The following TAF12 variants were observed in gnomAD, a reference collection of about 807,000 sequenced individuals.
The protein encoded by TAF12 is TATA-box binding protein associated factor 12, also known as transcription initiation factor TFIID subunit 12.
In TAF12, 3 loss-of-function variants were observed where a neutral mutation model predicts 20.8. The ratio of observed to expected loss-of-function variants is 0.14; its 90% CI spans 0.07 to 0.37. The LOEUF (loss-of-function observed/expected upper bound fraction) is 0.37. Among genes scored for constraint, TAF12 ranks in the 10% least tolerant of loss-of-function variants. The pLI is 1.00. For missense variants in TAF12, 131 were observed against 197.9 expected (o/e 0.66, Z 2.03); for synonymous variants, 69 against 70.2 (o/e 0.98, Z 0.09).
upstream of TAF12, among the ~76,000 whole-genome samples, chr1:28,647,327 A>G (rs1218768479): frequency 6.6e-6 from 1 of 151,718 alleles, no homozygotes; most frequent in Non-Finnish European, 1.5e-5. Context: ...TTCATCTGTC[A>G]CCTAGGCTGG....
chr1:28,622,482 T>C (rs1338941263), intron 1 of TAF12, among the ~76,000 whole-genome samples: 1 of 152,104 alleles, frequency 6.6e-6, no homozygotes, highest in Admixed American at 6.6e-5. Context: ...ATGAAGAATG[T>C]TTATTACTCT....
Position 28,603,360 on chromosome 1 carries a change from A to G in TAF12, c.*179T>C, listed in dbSNP as rs923075945. On this transcript the variant is annotated 3_prime_UTR_variant, in exon 6 of 6. Coordinates refer to ENST00000373824, the MANE Select transcript of TAF12 (RefSeq NM_005644.4). Reference sequence around the variant, plus strand: ...GGGAAAAGGGACCGGAAGTTGGGGTAGGAGGCTTTATTCTTTTGGCAGATC... The same window carrying G: ...GGGAAAAGGGACCGGAAGTTGGGGTGGGAGGCTTTATTCTTTTGGCAGATC... 47 of 601,010 alleles carry G rather than the reference A, an allele frequency of 7.8e-5. No homozygotes were observed. Among genetic ancestry groups the G allele is most frequent in the Admixed American group, 3.6e-4 (12 of 33,370 alleles). 37.2% of individuals were successfully genotyped at this position (601,010 alleles called of 1,614,324 possible). A position where few individuals can be genotyped will look rare whatever the true frequency, so the allele number is the denominator to read the frequency against.
At chr1:28,605,657 ACT>A (rs1666642620) in intron 4 of TAF12, among the ~76,000 whole-genome samples, 197 bp from the exon 5 acceptor site, 1 of 151,838 alleles carries the variant, frequency 6.6e-6, no homozygotes, top group Non-Finnish European at 1.5e-5. Context: ...GGGTCTTCCC[ACT>A]CTGTCACCCA....
upstream of TAF12, among the ~76,000 whole-genome samples, chr1:28,643,867 T>G (rs2124398728): frequency 6.6e-6 from 1 of 152,134 alleles, no homozygotes; most frequent in East Asian, 1.9e-4. Context: ...CTGGCCAAGA[T>G]GGTGAAACCC....
At chr1:28,624,683 G>A (rs1369167205) in intron 1 of TAF12, among the ~76,000 whole-genome samples, 5 of 151,962 alleles carry the variant, frequency 3.3e-5, no homozygotes, top group African/African-American at 1.2e-4. Context: ...GGAGGCAGAG[G>A]TTGCAGTGAG....
intron 3 of TAF12, among the ~76,000 whole-genome samples, chr1:28,616,945 C>A (rs1401654279): frequency 1.3e-5 from 2 of 151,592 alleles, no homozygotes; most frequent in African/African-American, 4.9e-5. Context: ...CATGGAGAAA[C>A]CCCATCTCTA....
intron 1 of TAF12, among the ~76,000 whole-genome samples, chr1:28,641,004 G>A (rs1184512249): frequency 6.6e-6 from 1 of 151,854 alleles, no homozygotes; most frequent in Non-Finnish European, 1.5e-5. Context: ...AAGAATATAG[G>A]TTGCAGTGAA....
intron 2 of TAF12, among the ~76,000 whole-genome samples, chr1:28,618,783 G>T (rs1028070692): frequency 6.6e-6 from 1 of 151,882 alleles, no homozygotes; most frequent in Non-Finnish European, 1.5e-5. Flanking sequence ...CTTTATCATT[G>T]TGCATATTTA....
In TAF12 at chr1:28,643,038, G is replaced by T; in HGVS notation, c.-131C>A. 1.0e-6 allele frequency: 1 copy of T among 985,896 alleles called. No homozygotes were observed. Among genetic ancestry groups the T allele is most frequent in the Non-Finnish European group, 1.2e-6 (1 of 829,958 alleles). 61.1% of individuals were successfully genotyped at this position (985,896 alleles called of 1,614,324 possible). ...CATGATATGCAGAGACTGCCCCAGT[G>T]AAGCGTTCGTCTCAGCAGCCGGTCC... On this transcript the variant is annotated 5_prime_UTR_variant, in exon 1 of 6. Coordinates refer to ENST00000373824, the MANE Select transcript of TAF12 (RefSeq NM_005644.4).
At chr1:28,639,126 G>A (rs964898653) in intron 1 of TAF12, among the ~76,000 whole-genome samples, 1 of 151,612 alleles carries the variant, frequency 6.6e-6, no homozygotes, top group African/African-American at 2.4e-5. Context: ...CCAGGCTGGA[G>A]TGCAGTGGTG....
intron 4 of TAF12, among the ~76,000 whole-genome samples, chr1:28,608,536 C>T (rs1666747339): frequency 6.6e-6 from 1 of 151,946 alleles, no homozygotes; most frequent in Non-Finnish European, 1.5e-5. Flanking sequence ...GGCAGATTGC[C>T]TGAGCTCAGG....
intron 1 of TAF12, among the ~76,000 whole-genome samples, chr1:28,634,355 G>T (rs1163909484): frequency 6.8e-6 from 1 of 147,462 alleles, no homozygotes. Flanking sequence ...GGCAGGGGTT[G>T]CAGTAGGCCG....
upstream of TAF12, among the ~76,000 whole-genome samples, chr1:28,647,082 C>T (rs1204109271): frequency 6.6e-6 from 1 of 152,084 alleles, no homozygotes; most frequent in Non-Finnish European, 1.5e-5. Flanking sequence ...GATCCACCCA[C>T]CTCAGCTTCC....
At chr1:28,638,338 C>A (rs1570341285) in intron 1 of TAF12, among the ~76,000 whole-genome samples, 1 of 151,862 alleles carries the variant, frequency 6.6e-6, no homozygotes, top group Non-Finnish European at 1.5e-5. Context: ...TACAGGCATG[C>A]ATCACCACGC....
intron 5 of TAF12, among the ~76,000 whole-genome samples, chr1:28,604,555 A>G (rs1570289087): frequency 1.3e-5 from 2 of 152,232 alleles, no homozygotes; most frequent in East Asian, 3.8e-4. Context: ...GTGACAGTCC[A>G]TTGTTTGCAG....
chr1:28,633,805 G>A (rs891770412), intron 1 of TAF12, among the ~76,000 whole-genome samples: 5 of 151,714 alleles, frequency 3.3e-5, no homozygotes, highest in Admixed American at 1.3e-4. Flanking sequence ...CCAGCTATTC[G>A]GGAGGCTGAG....
intron 1 of TAF12, among the ~76,000 whole-genome samples, chr1:28,638,173 GTATTTTATTTTATTT>G (rs766915282): frequency 6.7e-6 from 1 of 150,286 alleles, no homozygotes; most frequent in Non-Finnish European, 1.5e-5. Context: ...GCTAATTTTT[GTATTTTATTTTATTT>G]TATTTTATTT....
intron 1 of TAF12, among the ~76,000 whole-genome samples, chr1:28,626,486 CAGG>C (rs979609360): frequency 1.7e-4 from 25 of 146,920 alleles, no homozygotes; most frequent in Admixed American, 2.8e-4. Context: ...GAGGCTGAGG[CAGG>C]AGAATTGCTT....
In TAF12 at chr1:28,626,945, CAAAA is replaced by C. The variant is rs1395450985; in HGVS notation, c.-84-4784_-84-4781del. 2.0e-5 allele frequency among the ~76,000 whole-genome samples: 3 copies of C among 151,990 alleles called. No individual in the cohort carries two copies. The East Asian group carries it at 5.8e-4, about 29-fold the overall frequency. On this transcript the variant is annotated intron_variant, in intron 1 of 5. Coordinates refer to ENST00000373824, the MANE Select transcript of TAF12 (RefSeq NM_005644.4). ...AATTTTTTTTTTAAAGATCTGGAGA[CAAAA>C]AGTATGGCCTATCTACATAGTACCA...
Sources: allele counts gnomAD v4.1 joint callset (sites outside exome capture counted in the v4.1 genomes callset), GRCh38; gene constraint gnomAD v4.1.1; transcripts MANE v1.5; gene names NCBI Gene and HGNC (gene_info 2026-07-23, HGNC 2026-07-21).